The following RUNX2 variants were observed in gnomAD, a reference collection of about 807,000 sequenced individuals.
RUNX2 encodes the protein RUNX family transcription factor 2.
A neutral mutation model predicts 51.7 loss-of-function variants in RUNX2; 10 were observed. The observed-to-expected ratio is 0.19, with a 90% CI of 0.12 to 0.33. The LOEUF is 0.33. Ranked by LOEUF, RUNX2 falls within the 10% of genes least tolerant of loss-of-function variation. The pLI, the probability that RUNX2 is intolerant of heterozygous loss-of-function variation, is 1.00. For missense variants in RUNX2, 562 were observed against 691.3 expected (o/e 0.81, Z 2.10); for synonymous variants, 276 against 273.6 (o/e 1.01, Z -0.09).
At position 45,328,419 on chromosome 6, in the gene RUNX2, A is replaced by T. The variant is rs1481493530; in HGVS notation, c.-108A>T. 7.0e-7 allele frequency: 1 copy of T among 1,436,822 alleles called. No homozygotes were observed. Among genetic ancestry groups the T allele is most frequent in the Admixed American group, 1.8e-5 (1 of 54,422 alleles). 89.0% of individuals were successfully genotyped at this position (1,436,822 alleles called of 1,614,324 possible). ...GAAGTCTCTGGTTTTTAAATGGTTA[A>T]TCTCCGCAGGTCACTACCAGCCACC... On this transcript the variant is annotated 5_prime_UTR_variant, in exon 1 of 9. Transcript: ENST00000647337.
chr6:45,504,227 T>G (rs1406265049), intron 6 of RUNX2, among the ~76,000 whole-genome samples: 1 of 152,202 alleles, frequency 6.6e-6, no homozygotes, highest in Non-Finnish European at 1.5e-5. Flanking sequence ...CTACCTTTCA[T>G]AGCCACCCCA....
At chr6:45,357,469 T>A (rs970282876) in intron 2 of RUNX2, among the ~76,000 whole-genome samples, 5 of 152,106 alleles carry the variant, frequency 3.3e-5, no homozygotes, top group Non-Finnish European at 7.4e-5. Context: ...TAGCTGGGAC[T>A]ACAGGGCCCA....
intron 7 of RUNX2, among the ~76,000 whole-genome samples, chr6:45,517,445 G>A (rs888945497): frequency 6.6e-6 from 1 of 151,994 alleles, no homozygotes; most frequent in Non-Finnish European, 1.5e-5. Context: ...CAAAGTGCTG[G>A]GATTACAGAC....
intron 2 of RUNX2, among the ~76,000 whole-genome samples, chr6:45,352,118 T>C (rs1029818441): frequency 3.3e-5 from 5 of 152,188 alleles, no homozygotes; most frequent in Non-Finnish European, 5.9e-5. Context: ...CCTGACCTTT[T>C]TTATAAGCAA....
chr6:45,460,430 G>A (rs1799442298), intron 5 of RUNX2, among the ~76,000 whole-genome samples: 1 of 152,208 alleles, frequency 6.6e-6, no homozygotes, highest in South Asian at 2.1e-4. Flanking sequence ...TGCAAGGATA[G>A]ATTCAAAAGA....
At chr6:45,472,095 C>T (rs1022682335) in intron 5 of RUNX2, among the ~76,000 whole-genome samples, 2 of 151,994 alleles carry the variant, frequency 1.3e-5, no homozygotes, top group African/African-American at 2.4e-5. Context: ...TTCTCATGCA[C>T]GACTAGGCCA....
In RUNX2 at chr6:45,475,567, C is replaced by T. The variant is rs1193462774; in HGVS notation, c.686-16374C>T. Among the ~76,000 whole-genome samples, 3 of 152,218 alleles carry T rather than the reference C, an allele frequency of 2.0e-5. No homozygotes were observed. In the East Asian group the frequency reaches 5.8e-4, roughly 29 times the overall value. ...GTGATCTGCTCTATTAATCTAGGGC[C>T]TATTCAACATTCAGAGCTAATTTTA... On this transcript the variant is annotated intron_variant, in intron 5 of 8. Coordinates refer to ENST00000647337, the MANE Select transcript of RUNX2 (RefSeq NM_001024630.4).
intron 2 of RUNX2, among the ~76,000 whole-genome samples, chr6:45,366,274 G>C (rs780855216): frequency 2.5e-4 from 38 of 152,298 alleles, no homozygotes; most frequent in Non-Finnish European, 4.6e-4. Flanking sequence ...GGCAGGTTCT[G>C]GGGTCAGACT....
intron 2 of RUNX2, among the ~76,000 whole-genome samples, chr6:45,354,487 ATC>A (rs1792725346): frequency 1.3e-5 from 2 of 152,176 alleles, no homozygotes; most frequent in East Asian, 3.9e-4. Context: ...TTTTTTGCTC[ATC>A]TGTGTGAGGA....
chr6:45,383,902 C>T (rs1797293608), intron 2 of RUNX2, among the ~76,000 whole-genome samples: 1 of 152,224 alleles, frequency 6.6e-6, no homozygotes. Context: ...CTAAGTAATG[C>T]TCAGATCATT....
At chr6:45,488,147 T>C (rs147049583) in intron 5 of RUNX2, among the ~76,000 whole-genome samples, 1 of 152,070 alleles carries the variant, frequency 6.6e-6, no homozygotes, top group Non-Finnish European at 1.5e-5. Flanking sequence ...TCAGTAGAAA[T>C]GGAGAGAACT....
chr6:45,406,847 T>C (rs1797845110), intron 2 of RUNX2, among the ~76,000 whole-genome samples: 1 of 152,146 alleles, frequency 6.6e-6, no homozygotes, highest in Non-Finnish European at 1.5e-5. Flanking sequence ...CCCAACCCAG[T>C]ACTAGGAAAT....
At chr6:45,428,052 A>C (rs2819860) in intron 3 of RUNX2, among the ~76,000 whole-genome samples, 127,404 of 151,934 alleles carry the variant, frequency 0.84, 53,570 homozygotes, top group South Asian at 0.93. Flanking sequence ...ATTTTAAAAA[A>C]ACATAGAAAT....
intron 2 of RUNX2, among the ~76,000 whole-genome samples, chr6:45,370,469 C>A (rs1180664769): frequency 2.0e-5 from 3 of 151,898 alleles, no homozygotes; most frequent in Non-Finnish European, 4.4e-5. Flanking sequence ...TAAAAAGCTG[C>A]AGAAGCTTTG....
chr6:45,460,951 A>C (rs538517457), intron 5 of RUNX2, among the ~76,000 whole-genome samples: 1 of 152,344 alleles, frequency 6.6e-6, no homozygotes, highest in Non-Finnish European at 1.5e-5. Flanking sequence ...TACTATCCTT[A>C]GCGTGTAATA....
At chr6:45,449,287 T>C (rs1200643043) in intron 5 of RUNX2, among the ~76,000 whole-genome samples, 1 of 152,156 alleles carries the variant, frequency 6.6e-6, no homozygotes, top group Non-Finnish European at 1.5e-5. Flanking sequence ...TAAGGAATGA[T>C]CATAAAGTAC....
intron 5 of RUNX2, among the ~76,000 whole-genome samples, chr6:45,457,774 A>G (rs1799357118): frequency 6.6e-6 from 1 of 152,200 alleles, no homozygotes; most frequent in East Asian, 1.9e-4. Context: ...AACAAAGTAG[A>G]AGAAATAAGC....
chr6:45,450,030 C>G (rs2150379405), intron 5 of RUNX2, among the ~76,000 whole-genome samples: 1 of 152,222 alleles, frequency 6.6e-6, no homozygotes, highest in South Asian at 2.1e-4. Context: ...AATGCTGGTA[C>G]TGTTATGAAA....
chr6:45,534,188 C>T (rs982492150), intron 7 of RUNX2, among the ~76,000 whole-genome samples: 1 of 152,054 alleles, frequency 6.6e-6, no homozygotes, highest in African/African-American at 2.4e-5. Context: ...AGCCACCACG[C>T]CCAGACCTCC....
Sources: gnomAD v4.1 joint callset for allele counts (sites outside exome capture counted in the v4.1 genomes callset) on GRCh38, gnomAD v4.1.1 for gene constraint, MANE v1.5 for transcripts, NCBI Gene and HGNC (gene_info 2026-07-23, HGNC 2026-07-21) for gene names.